Variants in COL17A1 observed in about 807,000 individuals in gnomAD.
COL17A1 encodes the protein collagen type XVII alpha 1 chain, also known as collagen alpha-1(XVII) chain.
A neutral mutation model predicts 218.4 loss-of-function variants in COL17A1; 181 were observed. The ratio of observed to expected loss-of-function variants is 0.83; its 90% CI spans 0.73 to 0.94. The LOEUF is 0.94. Among genes scored for constraint, COL17A1 ranks in the 40% least tolerant of loss-of-function variants. COL17A1 has a pLI of 0.00. For synonymous variants in COL17A1, 721 were observed against 731.0 expected (o/e 0.99, Z 0.22); for missense variants, 1,924 against 1,945.9 (o/e 0.99, Z 0.21).
chr10:104,036,091 TGTGTGTGTATGG>T (rs1564671253), intron 48 of COL17A1, among the ~76,000 whole-genome samples: 1 of 3,450 alleles, frequency 2.9e-4, no homozygotes. Flanking sequence ...TGTATGGGAG[TGTGTGTGTATGG>T]GAGTGTGTGT....
intron 29 of COL17A1, 41 bp from the exon 30 acceptor site, chr10:104,048,145 T>C (rs745480236): frequency 1.2e-6 from 2 of 1,609,738 alleles, no homozygotes; most frequent in East Asian, 2.2e-5. Flanking sequence ...GCTCCTGGAG[T>C]GATTTCTGCG....
intron 30 of COL17A1, 40 bp downstream of exon 30, chr10:104,048,029 T>G: frequency 6.2e-7 from 1 of 1,613,580 alleles, no homozygotes; most frequent in Non-Finnish European, 8.5e-7. Flanking sequence ...ACAGGGGCTG[T>G]GACGGGAGTG....
rs2086378827 is a variant in COL17A1 at position 104,043,412 on chromosome 10, C to T, written c.2515+89G>A. 3.2e-6 allele frequency: 4 copies of T among 1,235,018 alleles called. No individual in the cohort carries two copies. The Admixed American group carries it at 7.6e-5, about 24-fold the overall frequency. The allele number at this position is 1,235,018 out of a possible 1,614,324, so 76.5% of individuals were successfully genotyped here. On this transcript the variant is annotated intron_variant, in intron 35 of 55. Coordinates refer to ENST00000648076, the MANE Select transcript of COL17A1 (RefSeq NM_000494.4). Reference sequence around the variant, plus strand: ...CTCTTTACCAGGTTCAGTTCCTGCCCTGGGTTTCAGGATCTGAAGAAATAT... The same window carrying T: ...CTCTTTACCAGGTTCAGTTCCTGCCTTGGGTTTCAGGATCTGAAGAAATAT...
At chr10:104,076,492 T>C in intron 4 of COL17A1, 63 bp from the exon 5 acceptor site, 5 of 1,609,672 alleles carry the variant, frequency 3.1e-6, no homozygotes, top group Non-Finnish European at 3.4e-6. Flanking sequence ...AAATGGCTAC[T>C]GTGACCCAGC....
At chr10:104,066,640 T>C (rs181362679) in intron 9 of COL17A1, among the ~76,000 whole-genome samples, 26 of 152,332 alleles carry the variant, frequency 1.7e-4, no homozygotes, top group Admixed American at 1.6e-3. Context: ...ATAACACGCT[T>C]GCCTCCACTT....
chr10:104,046,811 G>A (rs2086414999), intron 31 of COL17A1, 38 bp from the exon 32 acceptor site: 3 of 1,608,640 alleles, frequency 1.9e-6, no homozygotes, highest in South Asian at 2.2e-5. Context: ...GAGTTGAAGG[G>A]TGGAGGCCAT....
chr10:104,034,583 C>T (rs375918158), intron 51 of COL17A1, 38 bp downstream of exon 51: 135 of 1,600,750 alleles, frequency 8.4e-5, no homozygotes, highest in Non-Finnish European at 1.0e-4. Flanking sequence ...GCAAGGCCTG[C>T]GGGGTGCCTG....
intron 13 of COL17A1, among the ~76,000 whole-genome samples, chr10:104,060,999 G>A (rs1035647696): frequency 6.6e-6 from 1 of 152,188 alleles, no homozygotes; most frequent in Non-Finnish European, 1.5e-5. Context: ...CTCACTGTAT[G>A]GTGCTGAAAT....
At chr10:104,038,381 C>A in intron 45 of COL17A1, 25 bp downstream of exon 45, 2 of 1,613,316 alleles carry the variant, frequency 1.2e-6, no homozygotes, top group Non-Finnish European at 1.7e-6. Flanking sequence ...CTTGTCCCCA[C>A]GGCTTGCGGC....
intron 45 of COL17A1, 44 bp from the exon 46 acceptor site, chr10:104,037,817 G>A (rs1487535614): frequency 6.2e-7 from 1 of 1,606,472 alleles, no homozygotes; most frequent in South Asian, 1.1e-5. Context: ...GTCCCAAGAG[G>A]ACATGTTCTC....
chr10:104,059,780 T>G, intron 14 of COL17A1, 62 bp from the exon 15 acceptor site: 2 of 1,541,662 alleles, frequency 1.3e-6, no homozygotes, highest in Non-Finnish European at 9.0e-7. Flanking sequence ...CTCTGTCCTG[T>G]GTTCCCCCCG....
intron 17 of COL17A1, 28 bp downstream of exon 17, chr10:104,056,947 A>G (rs770946277): frequency 2.3e-5 from 36 of 1,554,462 alleles, no homozygotes; most frequent in Non-Finnish European, 3.0e-5. Context: ...CCTACCACAC[A>G]GGCTGCCCTG....
intron 5 of COL17A1, 35 bp from the exon 6 acceptor site, chr10:104,074,266 C>T (rs757239038): frequency 3.8e-5 from 62 of 1,613,982 alleles, no homozygotes; most frequent in Non-Finnish European, 4.7e-5. Context: ...AACAAATGGC[C>T]TCTTAGGCCC....
intron 2 of COL17A1, among the ~76,000 whole-genome samples, chr10:104,079,243 T>A (rs1468820735): frequency 6.6e-6 from 1 of 152,140 alleles, no homozygotes; most frequent in Non-Finnish European, 1.5e-5. Context: ...GGTGAATCCA[T>A]CACTCATGCT....
intron 12 of COL17A1, 85 bp downstream of exon 12, chr10:104,062,173 C>T: frequency 6.2e-7 from 1 of 1,602,454 alleles, no homozygotes; most frequent in South Asian, 1.1e-5. Context: ...TTTTCAGGGA[C>T]ATTTTGGGTC....
chr10:104,045,413 G>A (rs1453770852), intron 33 of COL17A1, among the ~76,000 whole-genome samples: 1 of 152,200 alleles, frequency 6.6e-6, no homozygotes, highest in African/African-American at 2.4e-5. Context: ...ATACCAGGGG[G>A]ATGAAGCACT....
rs1040086823 is a variant in COL17A1 at position 104,041,544 on chromosome 10, G to A, written c.2552-6C>T. 4 of 1,612,122 alleles carry A rather than the reference G, an allele frequency of 2.5e-6. No individual in the cohort carries two copies. The highest frequency in any genetic ancestry group is 1.1e-5 in the South Asian group (1 of 90,978). ...ACCTTGTAAATTAAGAACTTCTATA[G>A]AGAGAAGAAAATAGAAATGAGCAAA... is the stretch of plus-strand genomic sequence containing the variant. On this transcript the variant is annotated splice_region_variant and splice_polypyrimidine_tract_variant and intron_variant, in intron 36 of 55. Transcript: ENST00000648076.
chr10:104,056,040 C>A, intron 17 of COL17A1, 37 bp from the exon 18 acceptor site: 1 of 1,612,434 alleles, frequency 6.2e-7, no homozygotes, highest in Non-Finnish European at 8.5e-7. Flanking sequence ...CACTGAGGGC[C>A]CGGTCCTTCG....
Position 104,043,835 on chromosome 10 carries a change from G to T in COL17A1, c.2424C>A (p.Ile808=). The change falls in exon 34 of 56, where the codon ATC becomes ATA. Residue 808 remains isoleucine (I), a synonymous_variant. Coordinates refer to ENST00000648076, the MANE Select transcript of COL17A1 (RefSeq NM_000494.4). ...CTAGGACCTGCCTACCCGAAGTCACGATCTTGCCTGGAGCTCCTGGTTCAC... is the reference window on the plus strand; with the variant it reads ...CTAGGACCTGCCTACCCGAAGTCACTATCTTGCCTGGAGCTCCTGGTTCAC... The part of the protein sequence containing the change: ...IKGEPGAPGK[I]VTSEGSSMLT... 6.2e-7 allele frequency: 1 copy of T among 1,614,112 alleles called. No individual in the cohort carries two copies. The highest frequency in any genetic ancestry group is 1.3e-5 in the African/African-American group (1 of 75,010).
Sources: allele counts gnomAD v4.1 joint callset (sites outside exome capture counted in the v4.1 genomes callset), GRCh38; gene constraint gnomAD v4.1.1; transcripts MANE v1.5; gene names NCBI Gene and HGNC (gene_info 2026-07-23, HGNC 2026-07-21).